The following SRGAP3 variants were observed in gnomAD, a reference collection of about 807,000 sequenced individuals.
SRGAP3 encodes SLIT-ROBO Rho GTPase-activating protein 3.
Under a neutral mutation model 121.1 loss-of-function variants are expected in SRGAP3, and 39 were observed. The ratio of observed to expected loss-of-function variants is 0.32; its 90% CI spans 0.25 to 0.42. The LOEUF (loss-of-function observed/expected upper bound fraction) is 0.42. Ranked by LOEUF, SRGAP3 falls within the 10% of genes least tolerant of loss-of-function variation. The pLI is 1.00. For synonymous variants in SRGAP3, 601 were observed against 570.0 expected (o/e 1.05, Z -0.77); for missense variants, 1,213 against 1,470.6 (o/e 0.82, Z 2.86).
chr3:9,125,580 T>C (rs1949192688), intron 1 of SRGAP3, among the ~76,000 whole-genome samples: 1 of 152,214 alleles, frequency 6.6e-6, no homozygotes, highest in Non-Finnish European at 1.5e-5. Flanking sequence ...ACCTCTCAGA[T>C]ATCACACTTC....
chr3:9,295,683 G>C (rs1358098443), intron 3 of SRGAP3, among the ~76,000 whole-genome samples: 1 of 152,088 alleles, frequency 6.6e-6, no homozygotes, highest in East Asian at 1.9e-4. Flanking sequence ...TAAGTGTACA[G>C]TTCAATGACA....
intron 2 of SRGAP3, 91 bp from the exon 3 acceptor site, chr3:9,104,933 C>T: frequency 6.7e-7 from 1 of 1,494,036 alleles, no homozygotes; most frequent in Non-Finnish European, 9.3e-7. Context: ...CTTTTAACCT[C>T]CACGGTGCCC....
At chr3:9,098,879 G>T (rs1011185252) in intron 3 of SRGAP3, among the ~76,000 whole-genome samples, 5 of 152,142 alleles carry the variant, frequency 3.3e-5, no homozygotes, top group Non-Finnish European at 5.9e-5. Context: ...AGGCTCTACT[G>T]GCAGAGTGAC....
chr3:9,234,009 G>C (rs1000742526), intron 1 of SRGAP3, among the ~76,000 whole-genome samples: 2 of 152,168 alleles, frequency 1.3e-5, no homozygotes, highest in African/African-American at 4.8e-5. Flanking sequence ...CATTTTTGGA[G>C]CAGAGTTTCA....
intron 1 of SRGAP3, among the ~76,000 whole-genome samples, chr3:9,341,029 A>C (rs952125459): frequency 6.6e-6 from 1 of 152,262 alleles, no homozygotes. Context: ...TGTCTCGCAG[A>C]AAGTGTCCTC....
At chr3:9,289,496 C>G (rs959111217) in intron 3 of SRGAP3, among the ~76,000 whole-genome samples, 1 of 152,206 alleles carries the variant, frequency 6.6e-6, no homozygotes, top group East Asian at 1.9e-4. Context: ...AAGAACACTA[C>G]TAGTCTAACA....
chr3:9,351,757 A>G (rs1163365288), intron 1 of SRGAP3, among the ~76,000 whole-genome samples: 1 of 152,158 alleles, frequency 6.6e-6, no homozygotes, highest in Non-Finnish European at 1.5e-5. Context: ...TCAGGTTTGT[A>G]GCCTAGGAGC....
chr3:9,302,681 C>T (rs1373220386), intron 3 of SRGAP3, among the ~76,000 whole-genome samples: 3 of 152,162 alleles, frequency 2.0e-5, no homozygotes, highest in Admixed American at 2.0e-4. Context: ...CTGTAGAACG[C>T]CAGGTTCTTG....
intron 8 of SRGAP3, 102 bp from the exon 9 acceptor site, chr3:9,053,326 TCC>T: frequency 8.4e-7 from 1 of 1,191,620 alleles, no homozygotes; most frequent in Non-Finnish European, 1.2e-6. Flanking sequence ...CCATATGAAG[TCC>T]CTAGGATATA....
At chr3:9,031,320 T>C (rs1291577283) in intron 12 of SRGAP3, among the ~76,000 whole-genome samples, 1 of 152,136 alleles carries the variant, frequency 6.6e-6, no homozygotes, top group Non-Finnish European at 1.5e-5. Flanking sequence ...GGAGGGAGGA[T>C]GGAGACAGAG....
At chr3:9,313,069 A>C (rs1441286356) in intron 3 of SRGAP3, among the ~76,000 whole-genome samples, 1 of 152,112 alleles carries the variant, frequency 6.6e-6, no homozygotes, top group Admixed American at 6.5e-5. Flanking sequence ...CCCCATCTAC[A>C]AGGCTGGGGG....
chr3:9,123,464 T>G (rs1949098832), intron 2 of SRGAP3, among the ~76,000 whole-genome samples: 1 of 151,842 alleles, frequency 6.6e-6, no homozygotes, highest in Admixed American at 6.6e-5. Flanking sequence ...CCCAGCACTT[T>G]GGGAGGCTGA....
intron 18 of SRGAP3, chr3:9,008,256 T>C (rs1465478145): frequency 6.6e-6 from 1 of 152,408 alleles, no homozygotes; most frequent in African/African-American, 2.4e-5. Context: ...CATGGCTGCT[T>C]CTTCGCTGAC....
chr3:9,349,965 G>C (rs1374119490), intron 1 of SRGAP3: 4 of 151,932 alleles, frequency 2.6e-5, no homozygotes, highest in Non-Finnish European at 5.9e-5. Context: ...ACTGATTTCT[G>C]AATCATGTTC....
At chr3:9,093,360 C>T (rs1359155948) in intron 3 of SRGAP3, among the ~76,000 whole-genome samples, 1 of 152,110 alleles carries the variant, frequency 6.6e-6, no homozygotes, top group Non-Finnish European at 1.5e-5. Context: ...CATCTATCCA[C>T]CTCTCCACCC....
At chr3:9,137,093 G>A (rs2125021733) in intron 1 of SRGAP3, among the ~76,000 whole-genome samples, 2 of 152,272 alleles carry the variant, frequency 1.3e-5, no homozygotes, top group South Asian at 4.1e-4. Context: ...GTTTTGCAGA[G>A]GAGGAGACTG....
rs746658416 is a variant in SRGAP3 at position 9,104,327 on chromosome 3, A to AT, written c.423+352dup. ...GAGAAATTCCTAGGATATCAAAGTGATTATCTCCAAACAATGCCATTTCAG... is the reference window on the plus strand; with the variant it reads ...GAGAAATTCCTAGGATATCAAAGTGATTTATCTCCAAACAATGCCATTTCAG... On this transcript the variant is annotated intron_variant, in intron 3 of 21. Coordinates refer to ENST00000383836, the MANE Select transcript of SRGAP3 (RefSeq NM_014850.4). Among the ~76,000 whole-genome samples the AT allele has an allele frequency of 1.4e-4, 22 of 152,336 alleles. No individual in the cohort carries two copies. The East Asian group carries it at 2.7e-3, about 19-fold the overall frequency.
Position 8,993,049 on chromosome 3 carries a change from A to C in SRGAP3, c.2415T>G (p.Asp805Glu), listed in dbSNP as rs1559859533. 6.2e-7 allele frequency: 1 copy of C among 1,614,086 alleles called. No homozygotes were observed. The highest frequency in any genetic ancestry group is 8.5e-7 in the Non-Finnish European group (1 of 1,180,038). The change falls in exon 20 of 22, where the codon GAT becomes GAG. Residue 805 changes from aspartate to glutamate, a missense_variant. By Grantham distance (45) the Asp-to-Glu change is conservative (BLOSUM62 2). Around this residue, in one of 2 missense-constraint regions of SRGAP3, gnomAD observed 420 missense variants for 437.7 expected, o/e 0.96. Transcript: ENST00000383836. The stretch of plus-strand genomic sequence containing the variant: ...TCTGGCTCAGGCTGTCGGAGAAGGC[A>C]TCATCCCTGGGGAGAAGACAGACAT... ...HQYIVVQDMDDAFSDSLSQKA... is the reference protein window; with the variant it reads ...HQYIVVQDMDEAFSDSLSQKA...
intron 2 of SRGAP3, among the ~76,000 whole-genome samples, chr3:9,110,514 G>A (rs1352354261): frequency 6.6e-6 from 1 of 152,254 alleles, no homozygotes; most frequent in African/African-American, 2.4e-5. Context: ...CAAGGCTGTG[G>A]CCGGAGGGCT....
Sources: gnomAD v4.1 joint callset for allele counts (sites outside exome capture counted in the v4.1 genomes callset) on GRCh38, gnomAD v4.1.1 for gene constraint, gnomAD v4.1.1 regional missense constraint, MANE v1.5 for transcripts, NCBI Gene and HGNC (gene_info 2026-07-23, HGNC 2026-07-21) for gene names.